Variants in RAB2A observed in about 807,000 individuals in gnomAD.
RAB2A encodes the protein RAB2A, member RAS oncogene family.
RAB2A carries 7 observed loss-of-function variants against 32.5 expected under a neutral mutation model. The observed-to-expected ratio is 0.22, with a 90% confidence interval of 0.12 to 0.40. The LOEUF (loss-of-function observed/expected upper bound fraction) is 0.40, where lower values mean the gene tolerates loss of function less well. Among genes scored for constraint, RAB2A ranks in the 10% least tolerant of loss-of-function variants. The probability of loss-of-function intolerance (pLI) is 1.00; values close to 1 mark genes in which losing one functional copy is unlikely to be tolerated. For missense variants in RAB2A, 108 were observed against 260.7 expected (o/e 0.41, Z 4.03); for synonymous variants, 79 against 85.2 (o/e 0.93, Z 0.40).
chr8:60,618,688 A>G, intron 7 of RAB2A, 40 bp downstream of exon 7: 1 of 833,666 alleles, frequency 1.2e-6, no homozygotes, highest in Non-Finnish European at 1.6e-6. Flanking sequence ...ATTAATTTAG[A>G]GTTCACTTTT....
intron 2 of RAB2A, among the ~76,000 whole-genome samples, chr8:60,567,224 T>C (rs1015632759): frequency 2.6e-5 from 4 of 151,996 alleles, no homozygotes; most frequent in African/African-American, 9.7e-5. Flanking sequence ...CAAGTAATTC[T>C]TGCGCCTCAG....
chr8:60,597,039 A>G (rs941191494), intron 6 of RAB2A, among the ~76,000 whole-genome samples: 8 of 152,212 alleles, frequency 5.3e-5, no homozygotes, highest in Non-Finnish European at 1.0e-4. Context: ...CAGTGTGGCA[A>G]TTCCTCAAGG....
chr8:60,551,971 C>T (rs1168430602), intron 1 of RAB2A: 1 of 138,552 alleles, frequency 7.2e-6, no homozygotes, highest in Non-Finnish European at 1.5e-5. Context: ...TTAAGCAATT[C>T]TCATGCCTCA....
chr8:60,538,826 G>C (rs1318421119), intron 1 of RAB2A, among the ~76,000 whole-genome samples: 1 of 152,164 alleles, frequency 6.6e-6, no homozygotes, highest in East Asian at 1.9e-4. Context: ...GGACAGTGAA[G>C]GGTGGATTTG....
intron 3 of RAB2A, among the ~76,000 whole-genome samples, chr8:60,575,092 G>GGT (rs1351734472): frequency 8.4e-4 from 102 of 120,954 alleles, no homozygotes; most frequent in Non-Finnish European, 1.4e-3. Context: ...TTTTTTTGGG[G>GGT]GTTTTTTTTT....
In RAB2A at chr8:60,560,802, C is replaced by G. The variant is rs997371836; in HGVS notation, c.118+1879C>G. On this transcript the variant is annotated intron_variant, in intron 2 of 7. Coordinates refer to ENST00000262646, the MANE Select transcript of RAB2A (RefSeq NM_002865.3). Reference sequence around the variant, plus strand: ...GTGTTAGTGTATTTTATGTGTGGCCCAAGACAGTTATTCTTCCAGTGTTGC... The same window carrying G: ...GTGTTAGTGTATTTTATGTGTGGCCGAAGACAGTTATTCTTCCAGTGTTGC... Among the ~76,000 whole-genome samples, 12 of 151,480 alleles carry G rather than the reference C, an allele frequency of 7.9e-5. No individual in the cohort carries two copies. In the East Asian group the frequency reaches 1.9e-3, roughly 24 times the overall value.
intron 3 of RAB2A, chr8:60,576,231 CA>C (rs1563475203): frequency 6.6e-6 from 3 of 456,050 alleles, no homozygotes; most frequent in African/African-American, 6.0e-5. Flanking sequence ...TCTTTTCTGC[CA>C]GGGGAAGTCA....
chr8:60,528,101 T>C (rs139776393), intron 1 of RAB2A, among the ~76,000 whole-genome samples: 21 of 152,360 alleles, frequency 1.4e-4, no homozygotes, highest in Middle Eastern at 3.4e-3. Flanking sequence ...GCTTACTGTT[T>C]GGTCTGTTAA....
chr8:60,543,793 A>G (rs1321235590), intron 1 of RAB2A, among the ~76,000 whole-genome samples: 1 of 152,194 alleles, frequency 6.6e-6, no homozygotes, highest in Non-Finnish European at 1.5e-5. Flanking sequence ...ACAGTGGCTC[A>G]TGCCTGTAAT....
chr8:60,609,951 C>A (rs528797251), intron 6 of RAB2A, among the ~76,000 whole-genome samples: 1 of 135,450 alleles, frequency 7.4e-6, no homozygotes, highest in East Asian at 2.1e-4. Context: ...AAAGGGAGAC[C>A]CTGTGTCTCA....
At chr8:60,613,496 A>G (rs893924688) in intron 6 of RAB2A, among the ~76,000 whole-genome samples, 6 of 152,204 alleles carry the variant, frequency 3.9e-5, no homozygotes, top group Non-Finnish European at 8.8e-5. Context: ...GTTATAATTG[A>G]ACATTAAAAA....
chr8:60,615,839 C>T (rs1003034343), intron 6 of RAB2A, among the ~76,000 whole-genome samples: 7 of 152,092 alleles, frequency 4.6e-5, no homozygotes, highest in African/African-American at 1.4e-4. Context: ...CTACATTTGT[C>T]ATGCTGGGTT....
intron 6 of RAB2A, among the ~76,000 whole-genome samples, chr8:60,615,675 T>C (rs1269091972): frequency 6.6e-6 from 1 of 152,172 alleles, no homozygotes; most frequent in Non-Finnish European, 1.5e-5. Flanking sequence ...ATTTGACCTC[T>C]CATAAGCCTT....
intron 1 of RAB2A, among the ~76,000 whole-genome samples, chr8:60,540,924 G>A (rs900757638): frequency 6.6e-6 from 1 of 152,202 alleles, no homozygotes; most frequent in African/African-American, 2.4e-5. Flanking sequence ...AAACTCTGGG[G>A]CAGAAGTCAA....
At chr8:60,544,730 CTCAGTCTCCATAACTAACTTGCTTGAGG>C (rs897247108) in intron 1 of RAB2A, among the ~76,000 whole-genome samples, 7 of 151,970 alleles carry the variant, frequency 4.6e-5, no homozygotes, top group Non-Finnish European at 1.0e-4. Context: ...GGAAGTGGAG[CTCAGTCTCCATAACTAACTTGCTTGAGG>C]TCACAGGTTA....
intron 1 of RAB2A, among the ~76,000 whole-genome samples, chr8:60,553,712 G>A (rs623910): frequency 0.12 from 17,852 of 152,168 alleles, 1,352 homozygotes; most frequent in Non-Finnish European, 0.17. Context: ...CAGCTAATAA[G>A]TGACAGAGCT....
intron 6 of RAB2A, among the ~76,000 whole-genome samples, chr8:60,612,869 G>T (rs759690876): frequency 1.2e-4 from 19 of 152,172 alleles, no homozygotes; most frequent in Non-Finnish European, 2.2e-4. Context: ...CCTCCACAGG[G>T]CTGTCCCTAC....
At chr8:60,572,228 C>G (rs1427889727) in intron 3 of RAB2A, 115 bp downstream of exon 3, 1 of 756,146 alleles carries the variant, frequency 1.3e-6, no homozygotes, top group Non-Finnish European at 2.1e-6. Context: ...ACACTGACTT[C>G]CTGCAGCCAT....
intron 1 of RAB2A, among the ~76,000 whole-genome samples, chr8:60,534,930 G>A (rs191738479): frequency 5.3e-4 from 79 of 149,722 alleles, no homozygotes; most frequent in African/African-American, 1.9e-3. Flanking sequence ...TTTTTTTCTT[G>A]CTTGGCCTTT....
Sources: gnomAD v4.1 joint callset for allele counts (sites outside exome capture counted in the v4.1 genomes callset) on GRCh38, gnomAD v4.1.1 for gene constraint, MANE v1.5 for transcripts, NCBI Gene and HGNC (gene_info 2026-07-23, HGNC 2026-07-21) for gene names.